SYMPK: variants seen among roughly 807,000 people sequenced by gnomAD.
SYMPK encodes the protein symplekin.
A neutral mutation model predicts 136.4 loss-of-function variants in SYMPK; 49 were observed. The ratio of observed to expected loss-of-function variants is 0.36; its 90% CI spans 0.29 to 0.46. The LOEUF (loss-of-function observed/expected upper bound fraction) is 0.46, where lower values mean the gene tolerates loss of function less well. Ranked by LOEUF, SYMPK falls within the 20% of genes least tolerant of loss-of-function variation. The probability of loss-of-function intolerance (pLI) is 1.00; values close to 1 mark genes in which losing one functional copy is unlikely to be tolerated. For missense variants in SYMPK, 1,365 were observed against 1,690.0 expected (o/e 0.81, Z 3.37); for synonymous variants, 766 against 713.0 (o/e 1.07, Z -1.19).
intron 1 of SYMPK, chr19:45,855,904 A>G (rs1488739656): frequency 6.6e-6 from 1 of 152,134 alleles, no homozygotes; most frequent in Non-Finnish European, 1.5e-5. Context: ...GTGAAGGCAG[A>G]GGCTGTAGTG....
intron 14 of SYMPK, 69 bp downstream of exon 14, chr19:45,828,901 A>G: frequency 6.7e-7 from 1 of 1,496,248 alleles, no homozygotes; most frequent in Non-Finnish European, 9.2e-7. Flanking sequence ...GGTCGCAATC[A>G]GAAAGGGAGG....
chr19:45,831,324 G>A (rs2146315664), intron 12 of SYMPK, 60 bp downstream of exon 12: 5 of 1,389,700 alleles, frequency 3.6e-6, no homozygotes, highest in Non-Finnish European at 4.8e-6. Context: ...CACACGAGCT[G>A]AGAACCAGAC....
intron 23 of SYMPK, among the ~76,000 whole-genome samples, chr19:45,817,357 A>G (rs1970771926): frequency 6.7e-6 from 1 of 149,878 alleles, no homozygotes; most frequent in Admixed American, 6.6e-5. Context: ...TCACATGTAC[A>G]TTCTCACCGC....
chr19:45,839,187 C>T (rs1971378524), intron 9 of SYMPK, among the ~76,000 whole-genome samples: 1 of 152,296 alleles, frequency 6.6e-6, no homozygotes, highest in African/African-American at 2.4e-5. Context: ...CCACGCCCAG[C>T]CTGGTGCAGT....
At position 45,822,955 on chromosome 19, in the gene SYMPK, GCTCA is replaced by G. The variant is rs1158169152; in HGVS notation, c.2701-113_2701-110del. Reference sequence around the variant, plus strand: ...CCTGGGGAGCTGAGGGCAAGCTCTGGCTCACTGAGCCCCTCCTACCCTCACCACA... The same window carrying G: ...CCTGGGGAGCTGAGGGCAAGCTCTGGCTGAGCCCCTCCTACCCTCACCACA... On this transcript the variant is annotated intron_variant, in intron 20 of 26. Transcript: ENST00000245934. 4.6e-6 allele frequency: 4 copies of G among 860,944 alleles called. No individual in the cohort carries two copies. In the East Asian group the frequency reaches 7.9e-5, roughly 17 times the overall value. The allele number at this position is 860,944 out of a possible 1,614,324, so 53.3% of individuals were successfully genotyped here. A position where few individuals can be genotyped will look rare whatever the true frequency, so the allele number is the denominator to read the frequency against.
Position 45,822,859 on chromosome 19 carries a change from G to A in SYMPK, c.2701-13C>T. 6.3e-7 allele frequency: 1 copy of A among 1,597,680 alleles called. No homozygotes were observed. Among genetic ancestry groups the A allele is most frequent in the Non-Finnish European group, 8.6e-7 (1 of 1,165,392 alleles). ...GGATCACCTCTTTCTACAGGGAGAA[G>A]GTGGTGGGGGTGGGAGTTGAGTCAC... On this transcript the variant is annotated splice_polypyrimidine_tract_variant and intron_variant, in intron 20 of 26. Coordinates refer to ENST00000245934, the MANE Select transcript of SYMPK (RefSeq NM_004819.3).
intron 11 of SYMPK, among the ~76,000 whole-genome samples, chr19:45,832,632 A>G (rs968158324): frequency 1.3e-5 from 2 of 152,256 alleles, no homozygotes; most frequent in African/African-American, 4.8e-5. Context: ...GGATAAACAA[A>G]TGATTGTATA....
At position 45,816,871 on chromosome 19, in the gene SYMPK, C is replaced by G; in HGVS notation, c.3185G>C (p.Gly1062Ala). Residue 1062 changes from glycine to alanine, a missense_variant, in exon 24 of 27, where the codon GGA becomes GCA. Physicochemically the swap from Gly to Ala is moderately conservative, Grantham distance 60. Coordinates refer to ENST00000245934, the MANE Select transcript of SYMPK (RefSeq NM_004819.3). ...CTCTGGGCACTTGTCAAAGACGGCTCCCAGCTGCTGGGGCGGCAGCTGCAG... is the reference window on the plus strand; with the variant it reads ...CTCTGGGCACTTGTCAAAGACGGCTGCCAGCTGCTGGGGCGGCAGCTGCAG... ...VILQLPPQQL[G>A]AVFDKCPELR... 6.5e-7 allele frequency: 1 copy of G among 1,550,332 alleles called. No homozygotes were observed. The highest frequency in any genetic ancestry group is 2.0e-5 in the Admixed American group (1 of 50,262).
chr19:45,848,051 C>T, intron 6 of SYMPK, 50 bp from the exon 7 acceptor site: 1 of 1,532,186 alleles, frequency 6.5e-7, no homozygotes, highest in Non-Finnish European at 8.8e-7. Context: ...GAGGTGAAGA[C>T]AACGCATCAA....
chr19:45,815,428 T>C lies in SYMPK; in HGVS notation c.*132A>G. ...CGCCCCAGGCCCGCCATCCCTTTTT[T>C]TTTTTCTTTTCAGTAACTTGCCCAA... On this transcript the variant is annotated 3_prime_UTR_variant, in exon 27 of 27. Transcript: ENST00000245934. The C allele has an allele frequency of 9.4e-7, 1 of 1,063,232 alleles. No homozygotes were observed. The highest frequency in any genetic ancestry group is 1.3e-6 in the Non-Finnish European group (1 of 769,882). 65.9% of individuals were successfully genotyped at this position (1,063,232 alleles called of 1,614,324 possible).
intron 18 of SYMPK, chr19:45,824,251 C>T (rs750706014): frequency 2.5e-4 from 55 of 220,324 alleles, no homozygotes; most frequent in Non-Finnish European, 4.2e-4. Flanking sequence ...GGCTTGGCTG[C>T]GAGCCCAGAC....
Position 45,842,497 on chromosome 19 carries a change from G to GA in SYMPK, c.848-9dup. 3 of 1,607,974 alleles carry GA rather than the reference G, an allele frequency of 1.9e-6. No individual in the cohort carries two copies. Among genetic ancestry groups the GA allele is most frequent in the Non-Finnish European group, 8.5e-7 (1 of 1,176,104 alleles). On this transcript the variant is annotated splice_polypyrimidine_tract_variant and intron_variant, in intron 8 of 26. Coordinates refer to ENST00000245934, the MANE Select transcript of SYMPK (RefSeq NM_004819.3). Reference sequence around the variant, plus strand: ...GCGTCGGGGGCAGGTTGGCTGTGAGGAAAGTGGCAGGAGCTGTGTCTTGTG... The same window carrying GA: ...GCGTCGGGGGCAGGTTGGCTGTGAGGAAAAGTGGCAGGAGCTGTGTCTTGTG...
intron 6 of SYMPK, among the ~76,000 whole-genome samples, chr19:45,848,217 G>A (rs1971614023): frequency 6.6e-6 from 1 of 152,218 alleles, no homozygotes; most frequent in African/African-American, 2.4e-5. Flanking sequence ...CCCTCATGGG[G>A]ATGCAGAGAG....
Position 45,815,623 on chromosome 19 carries a change from A to C in SYMPK, c.3762T>G (p.Ala1254=), listed in dbSNP as rs759961390. The part of the protein sequence containing the change: ...PQTLAPVGED[A]MKTPSPAAED... The stretch of plus-strand genomic sequence containing the variant: ...CGGCAGCCGGGCTGGGAGTCTTCAT[A>C]GCATCTTCTCCAACAGGTGCGAGGG... Residue 1254 remains alanine (A), a synonymous_variant, in exon 27 of 27, where the codon GCT becomes GCG. Transcript: ENST00000245934. The C allele has an allele frequency of 6.2e-7, 1 of 1,606,978 alleles. No homozygotes were observed. The highest frequency in any genetic ancestry group is 1.1e-5 in the South Asian group (1 of 90,402).
chr19:45,854,941 G>A lies in SYMPK; in HGVS notation c.-12-434C>T, dbSNP rs183263490. On this transcript the variant is annotated intron_variant, in intron 1 of 26. Transcript: ENST00000245934. ...CACCCAGGTTGGAGTGTGGTGGTGC[G>A]ATCTCAGCTCACTGCAACCTCTGCC... is the stretch of plus-strand genomic sequence containing the variant. 7.9e-3 allele frequency: 1,348 copies of A among 169,862 alleles called. 15 individuals are homozygous for A. Among genetic ancestry groups the A allele is most frequent in the Non-Finnish European group, 0.013 (990 of 78,514 alleles). The allele number at this position is 169,862 out of a possible 1,614,324, so 10.5% of individuals were successfully genotyped here. A position where few individuals can be genotyped will look rare whatever the true frequency, so the allele number is the denominator to read the frequency against.
chr19:45,822,633 C>G, intron 21 of SYMPK, 123 bp downstream of exon 21: 1 of 738,748 alleles, frequency 1.4e-6, no homozygotes, highest in South Asian at 1.6e-5. Flanking sequence ...ATGTCCAGTA[C>G]AGCTGGTGTC....
rs1970756456 is a variant in SYMPK at position 45,816,896 on chromosome 19, G to C, written c.3160C>G (p.Leu1054Val). The C allele has an allele frequency of 1.3e-6, 2 of 1,553,596 alleles. No homozygotes were observed. The highest frequency in any genetic ancestry group is 1.7e-6 in the Non-Finnish European group (2 of 1,148,606). ...RTKPQSFQVILQLPPQQLGAV... is the reference protein window; with the variant it reads ...RTKPQSFQVIVQLPPQQLGAV... ...CCCAGCTGCTGGGGCGGCAGCTGCA[G>C]GATGACCTGGAAGCTCTGGGGCTTT... The change falls in exon 24 of 27, where the codon CTG becomes GTG. Residue 1054 changes from leucine to valine, a missense_variant. Coordinates refer to ENST00000245934, the MANE Select transcript of SYMPK (RefSeq NM_004819.3).
At chr19:45,856,509 T>A (rs533634376) in intron 1 of SYMPK, among the ~76,000 whole-genome samples, 1 of 152,168 alleles carries the variant, frequency 6.6e-6, no homozygotes, top group African/African-American at 2.4e-5. Flanking sequence ...CAGTTTCCTC[T>A]TCTAGGAAAC....
intron 18 of SYMPK, 137 bp from the exon 19 acceptor site, chr19:45,824,012 A>G: frequency 2.0e-6 from 1 of 499,256 alleles, no homozygotes; most frequent in Non-Finnish European, 3.7e-6. Flanking sequence ...GGGCGGGGGA[A>G]AGGTGGGGAA....
Sources: gnomAD v4.1 joint callset for allele counts (sites outside exome capture counted in the v4.1 genomes callset) on GRCh38, gnomAD v4.1.1 for gene constraint, MANE v1.5 for transcripts, NCBI Gene and HGNC (gene_info 2026-07-23, HGNC 2026-07-21) for gene names.